INKA2: variants seen among roughly 807,000 people sequenced by gnomAD.
INKA2 encodes the protein inka box actin regulator 2, also known as PAK4-inhibitor INKA2.
In INKA2, 3 loss-of-function variants were observed where a neutral mutation model predicts 9.8. The observed-to-expected ratio is 0.31, with a 90% CI of 0.14 to 0.79. INKA2 has a LOEUF of 0.79. Ranked by LOEUF, INKA2 falls within the 30% of genes least tolerant of loss-of-function variation. INKA2 has a pLI of 0.62. For synonymous variants in INKA2, 147 were observed against 143.3 expected (o/e 1.03, Z -0.18); for missense variants, 392 against 384.4 (o/e 1.02, Z -0.17).
At chr1:111,749,261 G>A (rs920893157) in intron 1 of INKA2, among the ~76,000 whole-genome samples, 1 of 152,170 alleles carries the variant, frequency 6.6e-6, no homozygotes, top group Non-Finnish European at 1.5e-5. Flanking sequence ...CTCCGGAGCT[G>A]GGAGACAACC....
At chr1:111,741,867 C>A (rs1228354682), upstream of INKA2, among the ~76,000 whole-genome samples, 1 of 152,182 alleles carries the variant, frequency 6.6e-6, no homozygotes, top group African/African-American at 2.4e-5. Flanking sequence ...AGGCGCATGC[C>A]ATCACGCCTG....
At chr1:111,744,547 A>T (rs1442050159) in intron 1 of INKA2, 2 of 150,688 alleles carry the variant, frequency 1.3e-5, no homozygotes, top group Non-Finnish European at 2.9e-5. Flanking sequence ...CTGATGTTCC[A>T]CATCCACAGA....
intron 1 of INKA2, among the ~76,000 whole-genome samples, chr1:111,734,200 G>A (rs988160578): frequency 2.0e-5 from 3 of 152,106 alleles, no homozygotes; most frequent in Non-Finnish European, 2.9e-5. Context: ...GGATGGGCCC[G>A]CTTTCCCAAC....
At chr1:111,731,082 G>A (rs1256011366) in intron 1 of INKA2, among the ~76,000 whole-genome samples, 1 of 152,212 alleles carries the variant, frequency 6.6e-6, no homozygotes, top group Non-Finnish European at 1.5e-5. Flanking sequence ...CTCTTCCAGT[G>A]TGGAAAAATC....
upstream of INKA2, chr1:111,739,432 G>C (rs2101377889): frequency 4.2e-6 from 6 of 1,445,036 alleles, no homozygotes; most frequent in East Asian, 2.6e-5. Context: ...GTCGGTGCTG[G>C]GGGTGGAGGG....
intron 1 of INKA2, chr1:111,745,274 T>TAC (rs1159690416): frequency 0.064 from 2,768 of 43,494 alleles, 180 homozygotes; most frequent in African/African-American, 0.2. Context: ...ATTATATATA[T>TAC]ATATATATAT....
Position 111,727,513 on chromosome 1 carries a change from C to A in INKA2, c.349G>T (p.Ala117Ser). ...TGTGGCTGTGTCCTGGGCAAGGGGG[C>A]TAAATCCCTTCCACAGACACTCCTA... ...SHRSVCGRDL[A>S]PLPRTQPHQS... Residue 117 changes from alanine (A) to serine (S), a missense_variant, in exon 2 of 2, where the codon GCC (alanine) becomes TCC (serine). Ala to Ser is a moderately conservative substitution (Grantham distance 99). Transcript: ENST00000357260. 2 of 1,614,192 alleles carry A rather than the reference C, an allele frequency of 1.2e-6. No individual in the cohort carries two copies. Among genetic ancestry groups the A allele is most frequent in the Non-Finnish European group, 1.7e-6 (2 of 1,180,040 alleles).
At chr1:111,737,126 C>T (rs1663023830) in intron 1 of INKA2, among the ~76,000 whole-genome samples, 1 of 152,168 alleles carries the variant, frequency 6.6e-6, no homozygotes, top group Admixed American at 6.5e-5. Flanking sequence ...ATTCGGCTTC[C>T]TCTCCAAGAG....
chr1:111,734,360 T>C (rs1662970817), intron 1 of INKA2, among the ~76,000 whole-genome samples: 1 of 152,196 alleles, frequency 6.6e-6, no homozygotes, highest in African/African-American at 2.4e-5. Flanking sequence ...GTCAATCAAC[T>C]TCCTCGAACA....
chr1:111,752,684 TTTTC>T (rs887806631), intron 1 of INKA2, among the ~76,000 whole-genome samples: 9 of 151,950 alleles, frequency 5.9e-5, no homozygotes, highest in African/African-American at 1.9e-4. Context: ...CTTTATACTG[TTTTC>T]TTTTTCTTTT....
chr1:111,755,403 A>AC (rs1334631214), intron 1 of INKA2: 9 of 477,496 alleles, frequency 1.9e-5, no homozygotes, highest in Non-Finnish European at 3.3e-5. Context: ...TGGTAAATAA[A>AC]CCCTTGGGTC....
chr1:111,727,828 G>C (rs774880561), intron 1 of INKA2, 24 bp from the exon 2 acceptor site: 1 of 1,597,654 alleles, frequency 6.3e-7, no homozygotes, highest in Admixed American at 1.7e-5. Flanking sequence ...AGAAAGCATG[G>C]GGCCTATGAG....
At chr1:111,732,197 A>C (rs1662920528) in intron 1 of INKA2, among the ~76,000 whole-genome samples, 1 of 152,214 alleles carries the variant, frequency 6.6e-6, no homozygotes, top group Admixed American at 6.5e-5. Flanking sequence ...CCAAGGAAGA[A>C]GAGTCAGAGG....
At chr1:111,733,738 T>G (rs1341909118) in intron 1 of INKA2, among the ~76,000 whole-genome samples, 15 of 152,152 alleles carry the variant, frequency 9.9e-5, no homozygotes, top group Non-Finnish European at 1.5e-5. Flanking sequence ...TGGGGCTCTT[T>G]GTGGTGAGGG....
At chr1:111,740,003 G>C (rs1021871242), upstream of INKA2, 1 of 152,288 alleles carries the variant, frequency 6.6e-6, no homozygotes, top group Non-Finnish European at 1.5e-5. Context: ...GTAGGGCTGG[G>C]GATACTGAGT....
At chr1:111,727,907 G>T in intron 1 of INKA2, 103 bp from the exon 2 acceptor site, 3 of 1,110,410 alleles carry the variant, frequency 2.7e-6, no homozygotes, top group Non-Finnish European at 4.0e-6. Context: ...CACTTCCAGG[G>T]TCATCCAGCC....
intron 1 of INKA2, among the ~76,000 whole-genome samples, chr1:111,748,825 T>G (rs530707088): frequency 1.3e-5 from 2 of 152,216 alleles, no homozygotes; most frequent in South Asian, 4.1e-4. Flanking sequence ...AGGCTCAGAT[T>G]AGACAGTGAC....
At chr1:111,737,838 G>A (rs1355095190) in intron 1 of INKA2, among the ~76,000 whole-genome samples, 3 of 152,254 alleles carry the variant, frequency 2.0e-5, no homozygotes, top group African/African-American at 7.2e-5. Context: ...TGACCCTGGA[G>A]TAGGACTGAC....
At chr1:111,755,330 A>C in intron 1 of INKA2, 1 of 286,326 alleles carries the variant, frequency 3.5e-6, no homozygotes, top group Non-Finnish European at 6.5e-6. Context: ...GCTAGGAGAT[A>C]AATGGGGTTT....
Sources: allele counts gnomAD v4.1 joint callset (sites outside exome capture counted in the v4.1 genomes callset), GRCh38; gene constraint gnomAD v4.1.1; transcripts MANE v1.5; gene names NCBI Gene and HGNC (gene_info 2026-07-23, HGNC 2026-07-21).